MGMT: variants seen among roughly 807,000 people sequenced by gnomAD.
MGMT encodes O-6-methylguanine-DNA methyltransferase, also known as methylated-DNA--protein-cysteine methyltransferase.
In MGMT, 14 loss-of-function variants were observed where a neutral mutation model predicts 15.9. The observed-to-expected ratio is 0.88, with a 90% CI of 0.58 to 1.37. The LOEUF (loss-of-function observed/expected upper bound fraction) is 1.37. MGMT is among the 40% of genes most tolerant of loss of function. MGMT has a pLI of 0.00. For synonymous variants in MGMT, 130 were observed against 118.2 expected, an observed-to-expected ratio of 1.10 and a Z score of -0.65; for missense variants, 282 against 268.1, an observed-to-expected ratio of 1.05 and a Z score of -0.36.
At chr10:129,661,576 A>T (rs532267268) in intron 2 of MGMT, among the ~76,000 whole-genome samples, 2 of 151,488 alleles carry the variant, frequency 1.3e-5, no homozygotes, top group Admixed American at 1.3e-4. Flanking sequence ...GCTTTTTTCG[A>T]TTGTTTCTTT....
At chr10:129,647,285 C>T (rs1468208218) in intron 2 of MGMT, among the ~76,000 whole-genome samples, 4 of 88 alleles carry the variant, frequency 0.045, no homozygotes, top group Non-Finnish European at 0.08. Context: ...CAGCAGTAAT[C>T]AGAGCCCTTC....
chr10:129,702,783 G>T (rs994308275), intron 2 of MGMT, among the ~76,000 whole-genome samples: 2 of 152,236 alleles, frequency 1.3e-5, no homozygotes, highest in Non-Finnish European at 2.9e-5. Flanking sequence ...TTCAGTGGTG[G>T]GTGAGTTGCA....
chr10:129,575,012 T>G (rs576317338), intron 2 of MGMT, among the ~76,000 whole-genome samples: 1 of 152,078 alleles, frequency 6.6e-6, no homozygotes, highest in Non-Finnish European at 1.5e-5. Flanking sequence ...CTGTGTGATC[T>G]CCACACAGCA....
rs560404987 is a variant in MGMT at position 129,513,231 on chromosome 10, CTGGGGGG to C, written c.-12-23004_-12-22998del. Among the ~76,000 whole-genome samples, 332 of 152,176 alleles carry C rather than the reference CTGGGGGG, an allele frequency of 2.2e-3. 4 individuals are homozygous for C. Among genetic ancestry groups the C allele is most frequent in the Admixed American group, 0.018 (271 of 15,290 alleles). On this transcript the variant is annotated intron_variant, in intron 1 of 4. Coordinates refer to ENST00000651593, the MANE Select transcript of MGMT (RefSeq NM_002412.5). ...CAGAGATCAAGTAGAATAGTGGGTG[CTGGGGGG>C]TGGGGAGAGCTATTGTTAAATGGGG...
intron 2 of MGMT, 110 bp downstream of exon 2, chr10:129,536,487 C>A: frequency 7.3e-7 from 1 of 1,364,258 alleles, no homozygotes; most frequent in Non-Finnish European, 9.9e-7. Context: ...ATAGCCTTAC[C>A]CCCACAACCG....
At position 129,646,754 on chromosome 10, in the gene MGMT, A is replaced by ATATATTTTTTT; in HGVS notation, c.126-61140_126-61139insATATTTTTTTT. 1.0e-3 allele frequency among the ~76,000 whole-genome samples: 88 copies of ATATATTTTTTT among 86,638 alleles called. 3 individuals carry two copies. Among genetic ancestry groups the ATATATTTTTTT allele is most frequent in the Non-Finnish European group, 1.8e-3 (70 of 38,898 alleles). 56.8% of individuals were successfully genotyped at this position (86,638 alleles called of 152,430 possible). ...TATATATATATATATATATATATAT[A>ATATATTTTTTT]TTTTCAGGGAATGGTAGAGAACAGT... On this transcript the variant is annotated intron_variant, in intron 2 of 4. Transcript: ENST00000651593.
At chr10:129,624,713 A>G (rs1847127238) in intron 2 of MGMT, among the ~76,000 whole-genome samples, 2 of 152,190 alleles carry the variant, frequency 1.3e-5, no homozygotes, top group Non-Finnish European at 2.9e-5. Context: ...GGCGGCGAGG[A>G]CTTCGGAAGT....
intron 1 of MGMT, among the ~76,000 whole-genome samples, chr10:129,509,989 AGCATG>A (rs1438802146): frequency 2.0e-5 from 3 of 152,154 alleles, no homozygotes; most frequent in Non-Finnish European, 4.4e-5. Context: ...TGGAGGTGGG[AGCATG>A]GCAAGGTTGC....
chr10:129,642,843 GACCACCT>G (rs1283129355), intron 2 of MGMT, among the ~76,000 whole-genome samples: 43 of 152,070 alleles, frequency 2.8e-4, no homozygotes, highest in South Asian at 1.0e-3. Context: ...GAGGCGGGAA[GACCACCT>G]GAGCCCCGAA....
chr10:129,491,489 C>T (rs1246840451), intron 1 of MGMT, among the ~76,000 whole-genome samples: 2 of 152,176 alleles, frequency 1.3e-5, no homozygotes, highest in Non-Finnish European at 2.9e-5. Context: ...TCTCTGTCAT[C>T]TATTGGCAAA....
intron 2 of MGMT, among the ~76,000 whole-genome samples, chr10:129,538,077 G>C (rs1246130623): frequency 6.6e-6 from 1 of 151,894 alleles, no homozygotes; most frequent in Non-Finnish European, 1.5e-5. Flanking sequence ...TTAGTGGGGG[G>C]AGCATTTAAA....
chr10:129,496,575 C>G (rs1446638644), intron 1 of MGMT, among the ~76,000 whole-genome samples: 1 of 152,098 alleles, frequency 6.6e-6, no homozygotes, highest in South Asian at 2.1e-4. Context: ...GTGGCCTGAC[C>G]CGGAACCCAC....
intron 2 of MGMT, among the ~76,000 whole-genome samples, chr10:129,625,725 ACGTGTGTGTG>A (rs1847139494): frequency 4.0e-5 from 1 of 25,020 alleles, no homozygotes; most frequent in Non-Finnish European, 8.0e-5. Flanking sequence ...GAGTGTGCAC[ACGTGTGTGTG>A]CGTGTGTGTG....
intron 1 of MGMT, among the ~76,000 whole-genome samples, chr10:129,486,165 CTCT>C (rs1845406796): frequency 7.1e-6 from 1 of 140,150 alleles, no homozygotes; most frequent in Non-Finnish European, 1.5e-5. Flanking sequence ...CTTCTCTGTT[CTCT>C]TCTCTTCTCT....
rs143750973 is a variant in MGMT at position 129,685,730 on chromosome 10, C to G, written c.126-22165C>G. ...TCAAAGAAAGTCATGTAAATAAGAC[C>G]TAATCATTGCAAGAAGTCTAATGAA... is the stretch of plus-strand genomic sequence containing the variant. On this transcript the variant is annotated intron_variant, in intron 2 of 4. Transcript: ENST00000651593. Among the ~76,000 whole-genome samples the G allele has an allele frequency of 4.5e-3, 684 of 152,292 alleles. 4 individuals carry two copies. The highest frequency in any genetic ancestry group is 6.9e-3 in the Non-Finnish European group (471 of 68,024).
Position 129,707,969 on chromosome 10 carries a change from A to G in MGMT, c.200A>G (p.Asn67Ser). 6.2e-7 allele frequency: 1 copy of G among 1,613,562 alleles called. No individual in the cohort carries two copies. Among genetic ancestry groups the G allele is most frequent in the Non-Finnish European group, 8.5e-7 (1 of 1,179,990 alleles). Residue 67 changes from asparagine to serine, a missense_variant, in exon 3 of 5, where the codon AAT (asparagine) becomes AGT (serine). Physicochemically the swap from Asn to Ser is conservative, Grantham distance 46. Coordinates refer to ENST00000651593, the MANE Select transcript of MGMT (RefSeq NM_002412.5). ...EPLMQCTAWLNAYFHQPEAIE... is the reference protein window; with the variant it reads ...EPLMQCTAWLSAYFHQPEAIE... ...CTGATGCAGTGCACAGCCTGGCTGA[A>G]TGCCTATTTCCACCAGCCCGAGGCT...
At chr10:129,652,325 A>C (rs1564748991) in intron 2 of MGMT, among the ~76,000 whole-genome samples, 2 of 152,100 alleles carry the variant, frequency 1.3e-5, no homozygotes, top group Non-Finnish European at 2.9e-5. Context: ...GTTCCAGTAG[A>C]GTGGAGGGAA....
chr10:129,637,434 G>A (rs529744170), intron 2 of MGMT, among the ~76,000 whole-genome samples: 1 of 152,172 alleles, frequency 6.6e-6, no homozygotes, highest in African/African-American at 2.4e-5. Context: ...ACACAGGCTG[G>A]TTTCTGTTTT....
intron 2 of MGMT, among the ~76,000 whole-genome samples, chr10:129,595,772 C>T (rs150251627): frequency 0.026 from 4,030 of 152,212 alleles, 88 homozygotes; most frequent in South Asian, 0.064. Context: ...GTCTAATCCT[C>T]CTGCAGGTAG....
Sources: allele counts gnomAD v4.1 joint callset (sites outside exome capture counted in the v4.1 genomes callset), GRCh38; gene constraint gnomAD v4.1.1; transcripts MANE v1.5; gene names NCBI Gene and HGNC (gene_info 2026-07-23, HGNC 2026-07-21).